RBPJ: variants seen among roughly 807,000 people sequenced by gnomAD.
RBPJ encodes recombination signal binding protein for immunoglobulin kappa J region.
RBPJ carries 9 observed loss-of-function variants against 67.8 expected under a neutral mutation model. That is an observed-to-expected ratio of 0.13 (90% CI 0.08 to 0.23). The LOEUF (loss-of-function observed/expected upper bound fraction) is 0.23, where lower values mean the gene tolerates loss of function less well. RBPJ is among the 10% of genes least tolerant of loss of function. The probability of loss-of-function intolerance (pLI) is 1.00; values close to 1 mark genes in which losing one functional copy is unlikely to be tolerated. For missense variants in RBPJ, 305 were observed against 595.6 expected (o/e 0.51, Z 5.08); for synonymous variants, 198 against 203.3 (o/e 0.97, Z 0.22).
At chr4:26,258,731 C>A (rs377411113) in intron 1 of RBPJ, among the ~76,000 whole-genome samples, 49 of 152,158 alleles carry the variant, frequency 3.2e-4, no homozygotes, top group Non-Finnish European at 6.3e-4. Flanking sequence ...TTAACCCTAT[C>A]GATGCAGTCT....
intron 1 of RBPJ, among the ~76,000 whole-genome samples, chr4:26,305,137 C>T (rs1478738630): frequency 6.6e-6 from 1 of 152,168 alleles, no homozygotes; most frequent in African/African-American, 2.4e-5. Flanking sequence ...AGTCAAAAAT[C>T]AAATGACCTA....
intron 1 of RBPJ, among the ~76,000 whole-genome samples, chr4:26,245,526 G>A (rs536347744): frequency 5.3e-4 from 81 of 152,032 alleles, no homozygotes; most frequent in Non-Finnish European, 1.0e-3. Context: ...ACTTTTGTAT[G>A]GGTTGTCTTT....
intron 1 of RBPJ, among the ~76,000 whole-genome samples, chr4:26,270,461 G>T (rs1452922398): frequency 7.1e-6 from 1 of 141,104 alleles, no homozygotes; most frequent in Non-Finnish European, 1.6e-5. Flanking sequence ...AGAAAGAAAA[G>T]AAAAGGAAAG....
chr4:26,326,334 G>T lies in RBPJ; in HGVS notation c.20+5286G>T, dbSNP rs1020653469. Among the ~76,000 whole-genome samples, 26 of 150,004 alleles carry T rather than the reference G, an allele frequency of 1.7e-4. 1 individual carries two copies. Among genetic ancestry groups the T allele is most frequent in the African/African-American group, 4.7e-4 (19 of 40,846 alleles). ...CTCTTAGGCAAAAGTTTTTTTTTTTGATTATTAGAAAATACTACATTATAT... is the reference window on the plus strand; with the variant it reads ...CTCTTAGGCAAAAGTTTTTTTTTTTTATTATTAGAAAATACTACATTATAT... On this transcript the variant is annotated intron_variant, in intron 1 of 10. Transcript: ENST00000355476.
the RBPJ span, chr4:26,113,372 C>T: frequency 1.9e-6 from 1 of 539,268 alleles, no homozygotes; most frequent in Non-Finnish European, 3.6e-6. Context: ...AAACTTCACT[C>T]AGCTTCAGAG....
At chr4:26,301,101 A>G (rs1262726086) in intron 1 of RBPJ, among the ~76,000 whole-genome samples, 4 of 152,212 alleles carry the variant, frequency 2.6e-5, no homozygotes, top group Non-Finnish European at 4.4e-5. Flanking sequence ...GCATTTTGCA[A>G]TGTATGTTAC....
At chr4:26,187,949 C>T (rs971373591) in intron 1 of RBPJ, among the ~76,000 whole-genome samples, 2 of 152,184 alleles carry the variant, frequency 1.3e-5, no homozygotes, top group Non-Finnish European at 2.9e-5. Context: ...ATCACTTGAA[C>T]CCAGAAGGTG....
At chr4:26,362,232 A>G (rs1174569202) in intron 1 of RBPJ, among the ~76,000 whole-genome samples, 1 of 152,192 alleles carries the variant, frequency 6.6e-6, no homozygotes, top group Non-Finnish European at 1.5e-5. Flanking sequence ...AATTGGGGCA[A>G]AGAGATTTGT....
At chr4:26,411,826 G>GA (rs778884398) in intron 3 of RBPJ, among the ~76,000 whole-genome samples, 10 of 151,880 alleles carry the variant, frequency 6.6e-5, no homozygotes, top group Admixed American at 3.9e-4. Context: ...ACCATTTATG[G>GA]GCCAGGCGCG....
At chr4:26,152,534 A>G in the RBPJ span, among the ~76,000 whole-genome samples, 2 of 152,358 alleles carry the variant, frequency 1.3e-5, no homozygotes, top group East Asian at 3.9e-4. Flanking sequence ...AGTGCTTACT[A>G]TGTGCATAAA....
Position 26,430,175 on chromosome 4 carries a change from A to G in RBPJ, c.1044+122A>G, listed in dbSNP as rs1736071709. The G allele has an allele frequency of 3.5e-6, 4 of 1,154,576 alleles. No homozygotes were observed. The highest frequency in any genetic ancestry group is 2.3e-4 in the Middle Eastern group (1 of 4,264). The allele number at this position is 1,154,576 out of a possible 1,614,324, so 71.5% of individuals were successfully genotyped here. ...CCAATCGTCTGATTAGGGGATTTTTATATACACCATTTGTTGATTTAAAGA... is the reference window on the plus strand; with the variant it reads ...CCAATCGTCTGATTAGGGGATTTTTGTATACACCATTTGTTGATTTAAAGA... On this transcript the variant is annotated intron_variant, in intron 9 of 10. Transcript: ENST00000355476. The surrounding 1 kb of genome is among the most constrained non-coding windows in gnomAD (Gnocchi z 4.1).
intron 1 of RBPJ, among the ~76,000 whole-genome samples, chr4:26,197,204 C>G (rs1300758007): frequency 2.0e-5 from 3 of 152,084 alleles, no homozygotes; most frequent in Non-Finnish European, 4.4e-5. Flanking sequence ...GTGACCAGTG[C>G]TCGGTTGTCC....
intron 1 of RBPJ, among the ~76,000 whole-genome samples, chr4:26,193,488 A>AT (rs148326222): frequency 9.3e-5 from 14 of 150,364 alleles, no homozygotes; most frequent in South Asian, 4.2e-4. Context: ...TTCGGTGTCA[A>AT]TTTTTTTTTT....
At chr4:26,371,119 C>G (rs1009604538) in intron 1 of RBPJ, among the ~76,000 whole-genome samples, 4 of 151,432 alleles carry the variant, frequency 2.6e-5, no homozygotes, top group Admixed American at 2.6e-4. Context: ...TGTCAACTTA[C>G]AATTTTTTTC....
Position 26,431,559 on chromosome 4 carries a change from T to A in RBPJ, c.*552T>A, listed in dbSNP as rs1266575995. ...TCCAAGCCTGACCATCCTTGTTTAA[T>A]CTATCATACTCTTCCAGGTTTTTTT... On this transcript the variant is annotated 3_prime_UTR_variant, in exon 11 of 11. Coordinates refer to ENST00000355476, the MANE Select transcript of RBPJ (RefSeq NM_015874.6). 1 of 152,308 alleles carries A rather than the reference T, an allele frequency of 6.6e-6. No homozygotes were observed. Among genetic ancestry groups the A allele is most frequent in the Non-Finnish European group, 1.5e-5 (1 of 68,054 alleles). 9.4% of individuals were successfully genotyped at this position (152,308 alleles called of 1,614,324 possible).
chr4:26,124,738 T>G, the RBPJ span, among the ~76,000 whole-genome samples: 1 of 151,870 alleles, frequency 6.6e-6, no homozygotes, highest in African/African-American at 2.4e-5. Flanking sequence ...CGCATCTGTA[T>G]GTGTTATATT....
chr4:26,239,931 C>CA (rs1269392206), intron 1 of RBPJ, among the ~76,000 whole-genome samples: 5 of 152,090 alleles, frequency 3.3e-5, no homozygotes, highest in Admixed American at 3.3e-4. Context: ...TTCCACTTTG[C>CA]AAAATTTTTC....
chr4:26,261,720 G>A (rs1239420468), intron 1 of RBPJ, among the ~76,000 whole-genome samples: 1 of 152,216 alleles, frequency 6.6e-6, no homozygotes, highest in African/African-American at 2.4e-5. Flanking sequence ...TAAGAGTGAT[G>A]TAAGACAGTG....
chr4:26,250,135 A>G (rs1038547148), intron 1 of RBPJ, among the ~76,000 whole-genome samples: 2 of 151,426 alleles, frequency 1.3e-5, no homozygotes, highest in Non-Finnish European at 2.9e-5. Flanking sequence ...CCATTAAGCA[A>G]TACTTCCTCA....
Sources: gnomAD v4.1 joint callset for allele counts (sites outside exome capture counted in the v4.1 genomes callset) on GRCh38, gnomAD v4.1.1 for gene constraint, Gnocchi (gnomAD v3.1) non-coding constraint, MANE v1.5 for transcripts, NCBI Gene and HGNC (gene_info 2026-07-23, HGNC 2026-07-21) for gene names.